The following PDXDC1 variants were observed in gnomAD, a reference collection of about 807,000 sequenced individuals.
PDXDC1 encodes the protein pyridoxal-dependent decarboxylase domain-containing protein 1.
In PDXDC1, 42 loss-of-function variants were observed where a neutral mutation model predicts 100.1. The ratio of observed to expected loss-of-function variants is 0.42; its 90% CI spans 0.33 to 0.54. The LOEUF is 0.54. Among genes scored for constraint, PDXDC1 ranks in the 20% least tolerant of loss-of-function variants. The pLI is 0.10. For missense variants in PDXDC1, 636 were observed against 979.2 expected, an observed-to-expected ratio of 0.65 and a Z score of 4.68; for synonymous variants, 260 against 371.7, an observed-to-expected ratio of 0.70 and a Z score of 3.46.
chr16:15,045,707 C>T (rs2044031169), intron 16 of PDXDC1: 1 of 152,244 alleles, frequency 6.6e-6, no homozygotes, highest in South Asian at 2.1e-4. Flanking sequence ...CTTGAGAAGT[C>T]CTGCGACTGA....
At chr16:15,030,544 CAAA>C (rs1156634836) in intron 16 of PDXDC1, among the ~76,000 whole-genome samples, 7 of 38,378 alleles carry the variant, frequency 1.8e-4, no homozygotes, top group African/African-American at 2.9e-4. Flanking sequence ...GACTCCATCT[CAAA>C]AAAAAAAAAA....
At chr16:15,134,023 T>C (rs2048233343) in intron 16 of PDXDC1, 9 of 1,495,356 alleles carry the variant, frequency 6.0e-6, no homozygotes, top group Non-Finnish European at 8.2e-6. Context: ...GTGGATGTGG[T>C]GGTCTCATCC....
At position 15,076,638 on chromosome 16, in the gene PDXDC1, G is replaced by A. The variant is rs536998519; in HGVS notation, c.1399+46582G>A. ...TCTTCAGCATCTTCAATACCCTGCCGGGATGCATTCACCTATAACAAAGGG... is the reference window on the plus strand; with the variant it reads ...TCTTCAGCATCTTCAATACCCTGCCAGGATGCATTCACCTATAACAAAGGG... On this transcript the variant is annotated intron_variant, in intron 16 of 16. Coordinates refer to the PDXDC1 transcript ENST00000535621. 4.4e-6 allele frequency: 7 copies of A among 1,608,284 alleles called. No individual in the cohort carries two copies. The highest frequency in any genetic ancestry group is 3.3e-5 in the Admixed American group (2 of 59,996).
chr16:15,129,560 C>G (rs562680684), intron 16 of PDXDC1, among the ~76,000 whole-genome samples: 11 of 152,368 alleles, frequency 7.2e-5, no homozygotes, highest in Admixed American at 7.2e-4. Context: ...GAGAGACGAG[C>G]TATGCAGTCA....
chr16:15,141,071 C>T (rs1294575361), downstream of PDXDC1, among the ~76,000 whole-genome samples: 1 of 150,134 alleles, frequency 6.7e-6, no homozygotes, highest in African/African-American at 2.5e-5. Context: ...TGAGCACCCG[C>T]CCAGCCCCTG....
intron 19 of PDXDC1, 173 bp from the exon 20 acceptor site, chr16:15,034,113 C>G (rs758151004): frequency 6.5e-6 from 4 of 616,384 alleles, no homozygotes; most frequent in South Asian, 3.9e-5. Context: ...GCCTAGGCCT[C>G]TATGAGCATG....
At chr16:14,985,128 C>G (rs1450236972) in intron 1 of PDXDC1, among the ~76,000 whole-genome samples, 1 of 152,258 alleles carries the variant, frequency 6.6e-6, no homozygotes, top group Non-Finnish European at 1.5e-5. Context: ...CTGCCCACCC[C>G]GGCCTCCCAA....
At chr16:15,018,613 T>C in intron 11 of PDXDC1, among the ~76,000 whole-genome samples, 3 of 152,372 alleles carry the variant, frequency 2.0e-5, no homozygotes, top group South Asian at 4.1e-4. Flanking sequence ...TGGCTTTTCC[T>C]GGCTTTGCCA....
At chr16:14,985,063 T>C (rs1383266853) in intron 1 of PDXDC1, among the ~76,000 whole-genome samples, 1 of 50,434 alleles carries the variant, frequency 2.0e-5, no homozygotes, top group East Asian at 1.4e-3. Flanking sequence ...TTAGTAGAGA[T>C]GGATGGGGTT....
intron 16 of PDXDC1, among the ~76,000 whole-genome samples, chr16:15,076,935 A>G (rs765885456): frequency 1.3e-5 from 2 of 151,478 alleles, no homozygotes; most frequent in Non-Finnish European, 2.9e-5. Context: ...TTCAACATTT[A>G]TTCTAGCTCT....
At chr16:15,092,535 T>C (rs1196417248) in intron 16 of PDXDC1, 1 of 1,613,022 alleles carries the variant, frequency 6.2e-7, no homozygotes, top group Non-Finnish European at 8.5e-7. Context: ...AAGACTTCTG[T>C]CACAGTTCCA....
chr16:15,071,229 T>G (rs2045211923), intron 16 of PDXDC1: 3 of 1,610,316 alleles, frequency 1.9e-6, no homozygotes, highest in Non-Finnish European at 1.7e-6. Flanking sequence ...CCAGAGATGT[T>G]CCAAAAATGC....
intron 3 of PDXDC1, among the ~76,000 whole-genome samples, chr16:15,001,206 C>A (rs142142185): frequency 2.0e-5 from 3 of 152,072 alleles, no homozygotes; most frequent in African/African-American, 7.2e-5. Flanking sequence ...AATAAAAAAA[C>A]GGCTGGGCGT....
At chr16:15,084,864 G>C (rs1485381533) in intron 16 of PDXDC1, among the ~76,000 whole-genome samples, 1 of 152,048 alleles carries the variant, frequency 6.6e-6, no homozygotes, top group African/African-American at 2.4e-5. Flanking sequence ...TCAGGAGTTC[G>C]AGACCAGCCT....
downstream of PDXDC1, among the ~76,000 whole-genome samples, chr16:15,143,677 G>A (rs190579144): frequency 2.8e-4 from 42 of 152,340 alleles, no homozygotes; most frequent in Middle Eastern, 0.01. Flanking sequence ...GGGGAGCCGG[G>A]GTCGGGGCGT....
intron 16 of PDXDC1, among the ~76,000 whole-genome samples, chr16:15,089,595 T>C (rs940992857): frequency 1.3e-5 from 2 of 148,174 alleles, no homozygotes; most frequent in African/African-American, 2.5e-5. Flanking sequence ...GGTCAGAAGA[T>C]CGAGACCATC....
intron 13 of PDXDC1, 100 bp from the exon 14 acceptor site, chr16:15,026,543 A>C: frequency 1.1e-6 from 1 of 942,946 alleles, no homozygotes; most frequent in Middle Eastern, 2.1e-4. Context: ...GTTTATTTAC[A>C]AATAGAGCAT....
the PDXDC1 span, among the ~76,000 whole-genome samples, chr16:15,144,379 G>A: frequency 4.6e-5 from 7 of 152,174 alleles, no homozygotes; most frequent in Admixed American, 2.6e-4. Flanking sequence ...TTGGGACGGT[G>A]CTCATTTGAA....
chr16:15,135,917 A>C, intron 16 of PDXDC1: 4 of 1,585,998 alleles, frequency 2.5e-6, no homozygotes, highest in Non-Finnish European at 3.4e-6. Context: ...CGGCAGCACC[A>C]GCTGAGGCCG....
Sources: gnomAD v4.1 joint callset for allele counts (sites outside exome capture counted in the v4.1 genomes callset) on GRCh38, gnomAD v4.1.1 for gene constraint, MANE v1.5 for transcripts, NCBI Gene and HGNC (gene_info 2026-07-23, HGNC 2026-07-21) for gene names.